Variants in ADGRB3 observed in about 807,000 individuals in gnomAD.
ADGRB3 encodes adhesion G protein-coupled receptor B3.
ADGRB3 carries 37 observed loss-of-function variants against 193.4 expected under a neutral mutation model. That is an observed-to-expected ratio of 0.19 (90% CI 0.15 to 0.25). The LOEUF (loss-of-function observed/expected upper bound fraction) is 0.25, where lower values mean the gene tolerates loss of function less well. ADGRB3 is among the 10% of genes least tolerant of loss of function. ADGRB3 has a pLI of 1.00. For missense variants in ADGRB3, 1,637 were observed against 1,852.9 expected (o/e 0.88, Z 2.14); for synonymous variants, 690 against 644.2 (o/e 1.07, Z -1.08).
chr6:69,142,609 T>G (rs1260668334), intron 17 of ADGRB3, among the ~76,000 whole-genome samples: 1 of 152,214 alleles, frequency 6.6e-6, no homozygotes, highest in Admixed American at 6.5e-5. Flanking sequence ...TGAAAAAGAT[T>G]GCTCAAAGCA....
At chr6:68,782,034 A>G (rs1766863576) in intron 3 of ADGRB3, among the ~76,000 whole-genome samples, 1 of 151,614 alleles carries the variant, frequency 6.6e-6, no homozygotes, top group Non-Finnish European at 1.5e-5. Flanking sequence ...GGTTTGTTAC[A>G]TATGTATACA....
intron 30 of ADGRB3, among the ~76,000 whole-genome samples, chr6:69,372,789 G>C (rs981907767): frequency 6.6e-6 from 1 of 151,946 alleles, no homozygotes; most frequent in Non-Finnish European, 1.5e-5. Context: ...CAATTTTCTT[G>C]GTTTTACTTC....
intron 20 of ADGRB3, among the ~76,000 whole-genome samples, chr6:69,287,180 A>G (rs1421247451): frequency 1.3e-5 from 2 of 152,168 alleles, no homozygotes; most frequent in Non-Finnish European, 2.9e-5. Context: ...TTTTATGTGC[A>G]TGTTTTACCT....
intron 17 of ADGRB3, among the ~76,000 whole-genome samples, chr6:69,132,575 T>C (rs1288680254): frequency 6.6e-6 from 1 of 152,228 alleles, no homozygotes; most frequent in Non-Finnish European, 1.5e-5. Context: ...TTCTGTAGGC[T>C]GCCTGTCCAC....
At chr6:68,807,747 A>C (rs1013815502) in intron 3 of ADGRB3, among the ~76,000 whole-genome samples, 2 of 152,186 alleles carry the variant, frequency 1.3e-5, no homozygotes, top group Non-Finnish European at 2.9e-5. Flanking sequence ...GAACTAAAAA[A>C]ACTGTGAAAA....
chr6:68,778,453 A>G (rs990295755), intron 3 of ADGRB3, among the ~76,000 whole-genome samples: 2 of 152,134 alleles, frequency 1.3e-5, no homozygotes, highest in Admixed American at 6.6e-5. Context: ...GCTATGAAAC[A>G]CAGGTATATT....
intron 15 of ADGRB3, among the ~76,000 whole-genome samples, chr6:69,062,238 T>C (rs965760532): frequency 6.6e-6 from 1 of 151,962 alleles, no homozygotes; most frequent in Non-Finnish European, 1.5e-5. Context: ...GGTTCAGTTT[T>C]ATGTTTATAT....
At position 68,741,711 on chromosome 6, in the gene ADGRB3, A is replaced by T. The variant is rs191379096; in HGVS notation, c.757+102279A>T. ...CTGGCCTTCTTAACCACTGTTTGTT[A>T]CCTTTTCTATCATAAGTATAGAAGA... On this transcript the variant is annotated intron_variant, in intron 3 of 31. Transcript: ENST00000370598. 3.2e-3 allele frequency among the ~76,000 whole-genome samples: 487 copies of T among 152,290 alleles called. 3 individuals carry two copies. Among genetic ancestry groups the T allele is most frequent in the African/African-American group, 0.011 (465 of 41,562 alleles).
intron 3 of ADGRB3, among the ~76,000 whole-genome samples, chr6:68,909,834 T>A (rs983549773): frequency 2.0e-5 from 3 of 152,194 alleles, no homozygotes; most frequent in African/African-American, 7.2e-5. Context: ...TGGTTCCAAG[T>A]CTTTGCTATT....
chr6:68,963,099 T>C (rs892983988), intron 8 of ADGRB3, among the ~76,000 whole-genome samples: 1 of 152,158 alleles, frequency 6.6e-6, no homozygotes, highest in Non-Finnish European at 1.5e-5. Flanking sequence ...CATCATGGTA[T>C]TTCTCTCAGT....
chr6:69,128,492 G>A (rs1773915188), intron 17 of ADGRB3, among the ~76,000 whole-genome samples: 2 of 151,766 alleles, frequency 1.3e-5, no homozygotes, highest in African/African-American at 4.8e-5. Context: ...CATAGTAACT[G>A]TAATCATAGC....
intron 10 of ADGRB3, among the ~76,000 whole-genome samples, chr6:68,985,755 A>G (rs1287111067): frequency 6.6e-6 from 1 of 152,174 alleles, no homozygotes; most frequent in Non-Finnish European, 1.5e-5. Context: ...TGAAGTAGTT[A>G]GTACAGCATA....
At chr6:69,238,752 A>T (rs943879055) in intron 19 of ADGRB3, among the ~76,000 whole-genome samples, 16 of 151,948 alleles carry the variant, frequency 1.1e-4, no homozygotes, top group Non-Finnish European at 1.5e-4. Context: ...ACATACACAC[A>T]TACACACACA....
intron 13 of ADGRB3, among the ~76,000 whole-genome samples, chr6:69,030,851 T>C (rs374711287): frequency 2.8e-4 from 43 of 152,108 alleles, no homozygotes; most frequent in African/African-American, 9.9e-4. Flanking sequence ...TCTCTTCTCT[T>C]CTCTTCTCTC....
intron 3 of ADGRB3, among the ~76,000 whole-genome samples, chr6:68,830,826 A>T (rs1040943632): frequency 6.6e-6 from 1 of 151,978 alleles, no homozygotes; most frequent in African/African-American, 2.4e-5. Context: ...GGGAGTGGGG[A>T]GGGAAATAAG....
rs1372805757 is a variant in ADGRB3 at position 68,744,328 on chromosome 6, G to A, written c.757+104896G>A. Reference sequence around the variant, plus strand: ...TTCAACCATTGTGGAAGACAGTGTGGCAATTCCTCAAGGATCTAGAACTAG... The same window carrying A: ...TTCAACCATTGTGGAAGACAGTGTGACAATTCCTCAAGGATCTAGAACTAG... On this transcript the variant is annotated intron_variant, in intron 3 of 31. Transcript: ENST00000370598. Among the ~76,000 whole-genome samples the A allele has an allele frequency of 2.0e-5, 3 of 152,160 alleles. No homozygotes were observed. In the East Asian group the frequency reaches 5.8e-4, roughly 29 times the overall value.
chr6:69,204,630 G>A lies in ADGRB3; in HGVS notation c.2481-28660G>A, dbSNP rs546185193. 1.5e-4 allele frequency among the ~76,000 whole-genome samples: 23 copies of A among 152,122 alleles called. No individual in the cohort carries two copies. In the South Asian group the frequency reaches 4.8e-3, roughly 32 times the overall value. On this transcript the variant is annotated intron_variant, in intron 17 of 31. Coordinates refer to ENST00000370598, the MANE Select transcript of ADGRB3 (RefSeq NM_001704.3). ...TCATTTGAAAAATACATGAAGAGCT[G>A]GGTTCATAAAATTAATTTGCCCTGC...
intron 20 of ADGRB3, among the ~76,000 whole-genome samples, chr6:69,287,887 CCTT>C (rs1391699278): frequency 2.0e-5 from 3 of 152,178 alleles, no homozygotes; most frequent in African/African-American, 4.8e-5. Context: ...CAATAGCAGT[CCTT>C]CTTGTTTTCT....
intron 20 of ADGRB3, among the ~76,000 whole-genome samples, chr6:69,289,058 G>A (rs1180392316): frequency 6.6e-6 from 1 of 152,124 alleles, no homozygotes. Context: ...TTGGAGAGAA[G>A]GGTCCCTATC....
Sources: gnomAD v4.1 joint callset for allele counts (sites outside exome capture counted in the v4.1 genomes callset) on GRCh38, gnomAD v4.1.1 for gene constraint, MANE v1.5 for transcripts, NCBI Gene and HGNC (gene_info 2026-07-23, HGNC 2026-07-21) for gene names.